The following IFT25 variants were observed in gnomAD, a reference collection of about 807,000 sequenced individuals.
IFT25 encodes intraflagellar transport protein 25 homolog.
chr1:53,923,759 TTGAGAA>T, the IFT25 span: 1 of 616,840 alleles, frequency 1.6e-6, no homozygotes, highest in South Asian at 2.0e-5. Context: ...TATATTATTA[TTGAGAA>T]TAACTTTCTC....
the IFT25 span, among the ~76,000 whole-genome samples, chr1:53,924,840 AAAC>A: frequency 9.8e-5 from 15 of 152,316 alleles, no homozygotes; most frequent in African/African-American, 2.9e-4. Flanking sequence ...CCATCTCAAA[AAAC>A]AACAACAACA....
the IFT25 span, among the ~76,000 whole-genome samples, chr1:53,913,540 C>G: frequency 2.0e-5 from 3 of 152,176 alleles, no homozygotes; most frequent in Non-Finnish European, 4.4e-5. Flanking sequence ...TTGACATTCG[C>G]TGTCTTGAGT....
chr1:53,930,221 T>C, the IFT25 span: 4 of 1,341,664 alleles, frequency 3.0e-6, no homozygotes, highest in Non-Finnish European at 4.0e-6. Context: ...TGAATACCTG[T>C]TTTTTAAAAT....
the IFT25 span, among the ~76,000 whole-genome samples, chr1:53,918,454 A>C: frequency 6.6e-6 from 1 of 152,228 alleles, no homozygotes; most frequent in African/African-American, 2.4e-5. Context: ...GAAGGGTCTC[A>C]CATAGGCAAT....
chr1:53,928,393 A>T, the IFT25 span: 3 of 1,613,422 alleles, frequency 1.9e-6, no homozygotes, highest in Non-Finnish European at 2.5e-6. Flanking sequence ...CATTGCTCAA[A>T]ATCAACTGGC....
chr1:53,925,156 C>T, the IFT25 span, among the ~76,000 whole-genome samples: 5 of 151,866 alleles, frequency 3.3e-5, no homozygotes, highest in African/African-American at 1.2e-4. Flanking sequence ...TTTTTAAAAC[C>T]GAAATCCCCT....
the IFT25 span, among the ~76,000 whole-genome samples, chr1:53,942,931 T>C: frequency 1.3e-5 from 2 of 152,324 alleles, no homozygotes; most frequent in East Asian, 1.9e-4. Flanking sequence ...AAGTAGGACA[T>C]TGTCAGGCGT....
At chr1:53,914,112 C>T in the IFT25 span, among the ~76,000 whole-genome samples, 1 of 152,204 alleles carries the variant, frequency 6.6e-6, no homozygotes, top group Non-Finnish European at 1.5e-5. Context: ...CTGTTATTAA[C>T]CTCGAGGCTC....
chr1:53,926,605 C>G, the IFT25 span, among the ~76,000 whole-genome samples: 1 of 152,108 alleles, frequency 6.6e-6, no homozygotes, highest in Non-Finnish European at 1.5e-5. Flanking sequence ...TTATTAAAAT[C>G]AGAATTAAGT....
At chr1:53,937,803 TCTC>T in the IFT25 span, among the ~76,000 whole-genome samples, 1 of 152,200 alleles carries the variant, frequency 6.6e-6, no homozygotes, top group Admixed American at 6.5e-5. Flanking sequence ...TTAAGGCAAA[TCTC>T]CTCAGTTCTG....
At chr1:53,924,164 A>G in the IFT25 span, among the ~76,000 whole-genome samples, 1 of 152,244 alleles carries the variant, frequency 6.6e-6, no homozygotes, top group African/African-American at 2.4e-5. Context: ...CCTAGTGAGT[A>G]TAAGCAAAAG....
the IFT25 span, among the ~76,000 whole-genome samples, chr1:53,930,309 T>C: frequency 1.3e-5 from 2 of 152,228 alleles, no homozygotes; most frequent in Non-Finnish European, 1.5e-5. Flanking sequence ...TAATTCTTCT[T>C]TACTACTACC....
At chr1:53,914,249 C>T in the IFT25 span, among the ~76,000 whole-genome samples, 2 of 152,186 alleles carry the variant, frequency 1.3e-5, no homozygotes, top group Non-Finnish European at 2.9e-5. Context: ...AGAACATATG[C>T]CAGTTCTCAG....
chr1:53,932,596 G>A, the IFT25 span, among the ~76,000 whole-genome samples: 6 of 152,142 alleles, frequency 3.9e-5, no homozygotes, highest in South Asian at 1.0e-3. Context: ...ACAGAGTCTC[G>A]CTCTGTCACC....
chr1:53,921,752 C>A, the IFT25 span: 5 of 1,612,202 alleles, frequency 3.1e-6, no homozygotes, highest in Non-Finnish European at 4.2e-6. Flanking sequence ...AAGTAAGTAG[C>A]GGAGCCATCA....
the IFT25 span, among the ~76,000 whole-genome samples, chr1:53,916,178 CAA>C: frequency 5.6e-4 from 38 of 68,380 alleles, no homozygotes; most frequent in South Asian, 9.9e-4. Flanking sequence ...GACCTGCTCT[CAA>C]AAAAAAAAAA....
chr1:53,945,714 A>T, the IFT25 span: 2 of 149,116 alleles, frequency 1.3e-5, no homozygotes, highest in African/African-American at 2.5e-5. Flanking sequence ...TCTTCGCGCC[A>T]CGCCTCCCAC....
chr1:53,925,496 TAAAAAA>T, the IFT25 span, among the ~76,000 whole-genome samples: 1 of 146,088 alleles, frequency 6.8e-6, no homozygotes, highest in Admixed American at 6.9e-5. Context: ...CCATCTCTAC[TAAAAAA>T]AAAATACAAA....
the IFT25 span, among the ~76,000 whole-genome samples, chr1:53,927,805 T>TA: frequency 2.0e-5 from 3 of 152,238 alleles, no homozygotes; most frequent in African/African-American, 7.2e-5. Context: ...CTAAAGAAGT[T>TA]ACTACTCTTC....
Sources: gnomAD v4.1 joint callset for allele counts (sites outside exome capture counted in the v4.1 genomes callset) on GRCh38, gnomAD v4.1.1 for gene constraint, MANE v1.5 for transcripts, NCBI Gene and HGNC (gene_info 2026-07-23, HGNC 2026-07-21) for gene names.